FAT3: variants seen among roughly 807,000 people sequenced by gnomAD.
The protein encoded by FAT3 is protocadherin Fat 3.
A neutral mutation model predicts 310.2 loss-of-function variants in FAT3; 95 were observed. The observed-to-expected ratio is 0.31, with a 90% CI of 0.26 to 0.36. The LOEUF (loss-of-function observed/expected upper bound fraction) is 0.36. FAT3 is among the 10% of genes least tolerant of loss of function. The pLI is 1.00. For missense variants in FAT3, 5,408 were observed against 5,715.6 expected (o/e 0.95, Z 1.74); for synonymous variants, 2,314 against 2,192.9 (o/e 1.06, Z -1.54).
chr11:92,618,877 A>G (rs1240991419), intron 3 of FAT3, among the ~76,000 whole-genome samples: 2 of 152,072 alleles, frequency 1.3e-5, no homozygotes, highest in Admixed American at 6.5e-5. Flanking sequence ...TCCAATAGAA[A>G]TCTGAGTCAA....
At chr11:92,804,348 T>C (rs1947444502) in intron 10 of FAT3, among the ~76,000 whole-genome samples, 1 of 152,084 alleles carries the variant, frequency 6.6e-6, no homozygotes, top group Non-Finnish European at 1.5e-5. Flanking sequence ...ATTTTTCCCT[T>C]CTTACGGATT....
At chr11:92,284,215 G>A (rs1440081367) in intron 1 of FAT3, among the ~76,000 whole-genome samples, 1 of 152,000 alleles carries the variant, frequency 6.6e-6, no homozygotes, top group Non-Finnish European at 1.5e-5. Flanking sequence ...AGAAAAGGGA[G>A]GGAAAACATT....
chr11:92,557,695 C>T (rs890637352), intron 3 of FAT3, among the ~76,000 whole-genome samples: 1 of 152,176 alleles, frequency 6.6e-6, no homozygotes, highest in African/African-American at 2.4e-5. Context: ...TGTAGGATGC[C>T]TTTAAATTCC....
At position 92,473,632 on chromosome 11, in the gene FAT3, A is replaced by G. The variant is rs142915357; in HGVS notation, c.3293-51002A>G. 2.1e-3 allele frequency among the ~76,000 whole-genome samples: 322 copies of G among 152,236 alleles called. 1 individual carries two copies. Among genetic ancestry groups the G allele is most frequent in the Middle Eastern group, 3.4e-3 (1 of 294 alleles). ...GTGAATGTTTGATAAATCTCTCCCA[A>G]TGTTTGTGAGACATTTGCTTTCTCT... is the stretch of plus-strand genomic sequence containing the variant. On this transcript the variant is annotated intron_variant, in intron 2 of 27. Transcript: ENST00000525166.
At chr11:92,532,711 T>G (rs941972108) in intron 3 of FAT3, among the ~76,000 whole-genome samples, 1 of 152,218 alleles carries the variant, frequency 6.6e-6, no homozygotes, top group African/African-American at 2.4e-5. Context: ...GAAAACATCA[T>G]GAAGGGATTA....
At chr11:92,862,818 C>T (rs902359645) in intron 21 of FAT3, among the ~76,000 whole-genome samples, 5 of 152,160 alleles carry the variant, frequency 3.3e-5, no homozygotes, top group African/African-American at 9.7e-5. Context: ...CTCTCATTCC[C>T]CTTGCATGTA....
intron 1 of FAT3, among the ~76,000 whole-genome samples, chr11:92,283,196 G>A (rs1591050770): frequency 6.6e-6 from 1 of 152,116 alleles, no homozygotes; most frequent in South Asian, 2.1e-4. Context: ...TCCAGAAAAG[G>A]TCATACTACT....
At chr11:92,293,549 T>TATAA (rs10558649) in intron 1 of FAT3, among the ~76,000 whole-genome samples, 1 of 16,658 alleles carries the variant, frequency 6.0e-5, no homozygotes, top group Non-Finnish European at 1.4e-4. Context: ...TATATATATA[T>TATAA]ATAAATAAAA....
intron 2 of FAT3, among the ~76,000 whole-genome samples, chr11:92,399,767 A>G (rs1949967851): frequency 6.6e-6 from 1 of 152,188 alleles, no homozygotes; most frequent in Non-Finnish European, 1.5e-5. Flanking sequence ...CCTTTTAACA[A>G]CCACTTACGC....
At chr11:92,536,594 A>G (rs138341489) in intron 3 of FAT3, among the ~76,000 whole-genome samples, 1 of 152,222 alleles carries the variant, frequency 6.6e-6, no homozygotes, top group East Asian at 1.9e-4. Context: ...TAAACGTTCA[A>G]TATTATCTGC....
At chr11:92,335,779 A>T (rs375974181) in intron 1 of FAT3, among the ~76,000 whole-genome samples, 1 of 152,182 alleles carries the variant, frequency 6.6e-6, no homozygotes, top group Non-Finnish European at 1.5e-5. Context: ...TGAACATGTT[A>T]TAAAAGGAAA....
intron 3 of FAT3, among the ~76,000 whole-genome samples, chr11:92,566,124 T>C: frequency 6.6e-6 from 1 of 152,166 alleles, no homozygotes; most frequent in Admixed American, 6.5e-5. Context: ...CATGATTGTG[T>C]ATCTAGAAAA....
At chr11:92,675,155 T>C (rs765442701) in intron 3 of FAT3, among the ~76,000 whole-genome samples, 12 of 152,224 alleles carry the variant, frequency 7.9e-5, no homozygotes, top group African/African-American at 1.2e-4. Flanking sequence ...ATTCTCTTTG[T>C]GGTCCTTGAG....
chr11:92,713,898 C>A (rs1944598128), intron 4 of FAT3, among the ~76,000 whole-genome samples: 1 of 152,158 alleles, frequency 6.6e-6, no homozygotes, highest in African/African-American at 2.4e-5. Context: ...ATGCCTGCAG[C>A]ATTCTTATGG....
chr11:92,503,428 G>A (rs1426020989), intron 2 of FAT3, among the ~76,000 whole-genome samples: 4 of 151,962 alleles, frequency 2.6e-5, no homozygotes, highest in Non-Finnish European at 5.9e-5. Flanking sequence ...TGTAACAGGT[G>A]GATTAAATGC....
intron 4 of FAT3, among the ~76,000 whole-genome samples, chr11:92,750,371 G>T (rs1157180650): frequency 6.6e-6 from 1 of 152,154 alleles, no homozygotes; most frequent in Non-Finnish European, 1.5e-5. Flanking sequence ...ATGCAGTGTT[G>T]ACTGACAAAA....
intron 2 of FAT3, among the ~76,000 whole-genome samples, chr11:92,514,624 C>T (rs992540030): frequency 1.3e-5 from 2 of 152,002 alleles, no homozygotes; most frequent in Admixed American, 6.6e-5. Context: ...ATTTCTACTC[C>T]CACTCAGCAT....
chr11:92,316,283 C>G (rs1303381124), intron 1 of FAT3, among the ~76,000 whole-genome samples: 1 of 152,094 alleles, frequency 6.6e-6, no homozygotes, highest in Non-Finnish European at 1.5e-5. Flanking sequence ...GGTTTCCTTT[C>G]ACTGAAAAGG....
intron 3 of FAT3, among the ~76,000 whole-genome samples, chr11:92,558,430 G>A (rs140988137): frequency 4.8e-5 from 7 of 147,324 alleles, no homozygotes; most frequent in South Asian, 2.2e-4. Flanking sequence ...GTGTATGCAC[G>A]TGTGTGTTTA....
Sources: allele counts gnomAD v4.1 joint callset (sites outside exome capture counted in the v4.1 genomes callset), GRCh38; gene constraint gnomAD v4.1.1; transcripts MANE v1.5; gene names NCBI Gene and HGNC (gene_info 2026-07-23, HGNC 2026-07-21).